GNPNAT1: variants seen among roughly 807,000 people sequenced by gnomAD.
The protein encoded by GNPNAT1 is glucosamine 6-phosphate N-acetyltransferase.
A neutral mutation model predicts 19.8 loss-of-function variants in GNPNAT1; 11 were observed. That is an observed-to-expected ratio of 0.56 (90% confidence interval 0.35 to 0.92). GNPNAT1 has a LOEUF of 0.92. Ranked by LOEUF, GNPNAT1 falls within the 40% of genes least tolerant of loss-of-function variation. The pLI is 0.01. For missense variants in GNPNAT1, 157 were observed against 211.0 expected (o/e 0.74, Z 1.59); for synonymous variants, 71 against 72.3 (o/e 0.98, Z 0.09).
intron 5 of GNPNAT1, among the ~76,000 whole-genome samples, chr14:52,779,724 T>TTA (rs754634389): frequency 6.3e-4 from 24 of 38,214 alleles, no homozygotes; most frequent in Admixed American, 2.0e-3. Flanking sequence ...TCCCATCTCT[T>TTA]AAAAAAAAAA....
intron 2 of GNPNAT1, 90 bp downstream of exon 2, chr14:52,784,407 G>T: frequency 2.8e-6 from 3 of 1,077,928 alleles, no homozygotes; most frequent in Non-Finnish European, 2.5e-6. Context: ...TAGTCCAAAA[G>T]TCAAATATTT....
Position 52,791,014 on chromosome 14 carries a change from T to G in GNPNAT1, c.-15+414A>C, listed in dbSNP as rs996921947. On this transcript the variant is annotated intron_variant, in intron 1 of 5. Coordinates refer to ENST00000216410, the MANE Select transcript of GNPNAT1 (RefSeq NM_198066.4). This position sits in a 1 kb window ranked among gnomAD's most constrained non-coding sequence, Gnocchi z 4.1. ...CTCAATGGCTCCGACCACCGTGGGA[T>G]GCGCCCGGGAATGGGAGAAGAGAAG... Among the ~76,000 whole-genome samples, 1 of 152,080 alleles carries G rather than the reference T, an allele frequency of 6.6e-6. No homozygotes were observed. Among genetic ancestry groups the G allele is most frequent in the East Asian group, 1.9e-4 (1 of 5,174 alleles).
chr14:52,780,610 C>CGTTTG (rs1882871050), intron 5 of GNPNAT1, 69 bp downstream of exon 5: 1 of 923,100 alleles, frequency 1.1e-6, no homozygotes, highest in Non-Finnish European at 1.8e-6. Flanking sequence ...GAACTTCAAA[C>CGTTTG]AAGTATCTTG....
chr14:52,781,603 C>T lies in GNPNAT1; in HGVS notation c.345+181G>A, dbSNP rs1882896081. ...TACCAAATTGATCCACCTTACAGAA[C>T]AATTTTAGCATACAATTCATACTGT... is the stretch of plus-strand genomic sequence containing the variant. On this transcript the variant is annotated intron_variant, in intron 4 of 5. Transcript: ENST00000216410. 4 of 472,932 alleles carry T rather than the reference C, an allele frequency of 8.5e-6. No individual in the cohort carries two copies. The East Asian group carries it at 1.8e-4, about 21-fold the overall frequency. The allele number at this position is 472,932 out of a possible 1,614,324, so 29.3% of individuals were successfully genotyped here.
chr14:52,779,504 G>A (rs1882827292), intron 5 of GNPNAT1, among the ~76,000 whole-genome samples: 1 of 151,976 alleles, frequency 6.6e-6, no homozygotes, highest in South Asian at 2.1e-4. Flanking sequence ...GGAGGCCAAG[G>A]ATCACTTGAG....
Position 52,776,499 on chromosome 14 carries a change from A to G in GNPNAT1, c.*1812T>C, listed in dbSNP as rs1170754785. On this transcript the variant is annotated 3_prime_UTR_variant, in exon 6 of 6. Transcript: ENST00000216410. ...CAACCTTGTGAATGATTTTACCTCAAATTGTTCAGTGGTAAGAAAGGTAAT... is the reference window on the plus strand; with the variant it reads ...CAACCTTGTGAATGATTTTACCTCAGATTGTTCAGTGGTAAGAAAGGTAAT... 2.0e-5 allele frequency: 3 copies of G among 152,124 alleles called. No homozygotes were observed. The highest frequency in any genetic ancestry group is 7.2e-5 in the African/African-American group (3 of 41,418). 9.4% of individuals were successfully genotyped at this position (152,124 alleles called of 1,614,324 possible).
At chr14:52,778,495 A>G in intron 5 of GNPNAT1, 37 bp from the exon 6 acceptor site, 1 of 1,527,260 alleles carries the variant, frequency 6.5e-7, no homozygotes, top group Admixed American at 2.2e-5. Context: ...AGGAGATAGC[A>G]TTTATTAATA....
At position 52,778,372 on chromosome 14, in the gene GNPNAT1, T is replaced by A. The variant is rs1882791830; in HGVS notation, c.494A>T (p.Tyr165Phe). The change falls in exon 6 of 6, where the codon TAT (tyrosine) becomes TTT (phenylalanine). Residue 165 changes from tyrosine to phenylalanine, a missense_variant. Coordinates refer to ENST00000216410, the MANE Select transcript of GNPNAT1 (RefSeq NM_198066.4). ...AGATACAGTATATCCAAACTTTTTA[T>A]AGAAACCAACATTTTGTGGTAGACA... ...LECLPQNVGF[Y>F]KKFGYTVSEE... 1 of 1,607,376 alleles carries A rather than the reference T, an allele frequency of 6.2e-7. No individual in the cohort carries two copies. Among genetic ancestry groups the A allele is most frequent in the Non-Finnish European group, 8.5e-7 (1 of 1,177,802 alleles).
At chr14:52,778,515 T>TCATATTGTTA in intron 5 of GNPNAT1, 57 bp from the exon 6 acceptor site, 1 of 1,418,706 alleles carries the variant, frequency 7.0e-7, no homozygotes, top group Non-Finnish European at 9.6e-7. Flanking sequence ...AAAAATTGAT[T>TCATATTGTTA]CTAGTAACAA....
In GNPNAT1 at chr14:52,777,252, A is replaced by G. The variant is rs529818507; in HGVS notation, c.*1059T>C. The G allele has an allele frequency of 4.6e-5, 7 of 152,784 alleles. No homozygotes were observed. Among genetic ancestry groups the G allele is most frequent in the African/African-American group, 1.7e-4 (7 of 41,598 alleles). 9.5% of individuals were successfully genotyped at this position (152,784 alleles called of 1,614,324 possible). A position where few individuals can be genotyped will look rare whatever the true frequency, so the allele number is the denominator to read the frequency against. ...AGAAAAGCACAGATGTGATTCTAAC[A>G]GAAGACTACTCATATAAACAGGTTT... On this transcript the variant is annotated 3_prime_UTR_variant, in exon 6 of 6. Coordinates refer to ENST00000216410, the MANE Select transcript of GNPNAT1 (RefSeq NM_198066.4).
In GNPNAT1 at chr14:52,776,875, A is replaced by G. The variant is rs1288384395; in HGVS notation, c.*1436T>C. ...CGGCCTTACCAGGCTAATTTTTAAA[A>G]ACATGCGTTTTTAATTACCAGGATT... On this transcript the variant is annotated 3_prime_UTR_variant, in exon 6 of 6. Transcript: ENST00000216410. 1 of 152,198 alleles carries G rather than the reference A, an allele frequency of 6.6e-6. No individual in the cohort carries two copies. Among genetic ancestry groups the G allele is most frequent in the East Asian group, 1.9e-4 (1 of 5,194 alleles). 9.4% of individuals were successfully genotyped at this position (152,198 alleles called of 1,614,324 possible).
At chr14:52,783,967 T>C (rs1166642187) in intron 2 of GNPNAT1, among the ~76,000 whole-genome samples, 1 of 152,180 alleles carries the variant, frequency 6.6e-6, no homozygotes, top group Admixed American at 6.5e-5. Context: ...ACAGTGCACC[T>C]GGAATTTTGA....
At position 52,777,184 on chromosome 14, in the gene GNPNAT1, T is replaced by C. The variant is rs1882754847; in HGVS notation, c.*1127A>G. 1 of 152,568 alleles carries C rather than the reference T, an allele frequency of 6.6e-6. No individual in the cohort carries two copies. The highest frequency in any genetic ancestry group is 2.4e-5 in the African/African-American group (1 of 41,440). The allele number at this position is 152,568 out of a possible 1,614,324, so 9.5% of individuals were successfully genotyped here. A position where few individuals can be genotyped will look rare whatever the true frequency, so the allele number is the denominator to read the frequency against. The stretch of plus-strand genomic sequence containing the variant: ...TACAAAGAGCACATTAAACTAAAAT[T>C]TTATGAATTATGACTTAATCTAATA... On this transcript the variant is annotated 3_prime_UTR_variant, in exon 6 of 6. Coordinates refer to ENST00000216410, the MANE Select transcript of GNPNAT1 (RefSeq NM_198066.4).
At position 52,780,723 on chromosome 14, in the gene GNPNAT1, A is replaced by G; in HGVS notation, c.363T>C (p.Asp121=). The G allele has an allele frequency of 6.2e-7, 1 of 1,601,736 alleles. No individual in the cohort carries two copies. Among genetic ancestry groups the G allele is most frequent in the African/African-American group, 1.3e-5 (1 of 74,790 alleles). Residue 121 remains aspartate (D), a synonymous_variant, in exon 5 of 6, where the codon GAT becomes GAC. Coordinates refer to ENST00000216410, the MANE Select transcript of GNPNAT1 (RefSeq NM_198066.4). The part of the protein sequence containing the change: ...HSCAKRGRVE[D]VVVSDECRGK... ...CTCTGCATTCATCACTAACAACAACATCTTCTACTCTTCCTCTCTGAAAAT... is the reference window on the plus strand; with the variant it reads ...CTCTGCATTCATCACTAACAACAACGTCTTCTACTCTTCCTCTCTGAAAAT...
intron 3 of GNPNAT1, among the ~76,000 whole-genome samples, chr14:52,782,968 C>T (rs898869787): frequency 1.3e-5 from 2 of 151,980 alleles, no homozygotes; most frequent in Non-Finnish European, 2.9e-5. Flanking sequence ...CTCTAAATTC[C>T]TATTTTCTCC....
Position 52,778,314 on chromosome 14 carries a change from C to T in GNPNAT1, c.552G>A (p.Lys184=), listed in dbSNP as rs144961021. ...TGACAATTTTCTTACAAGATTTTTA[C>T]TTTAGAAACCTCCGACACATGTAGT... ...EENYMCRRFL[K] is the part of the protein sequence containing the mutation. The change falls in exon 6 of 6, where the codon AAG becomes AAA. Residue 184 remains lysine (K), a synonymous_variant. Coordinates refer to ENST00000216410, the MANE Select transcript of GNPNAT1 (RefSeq NM_198066.4). 4.3e-5 allele frequency: 68 copies of T among 1,581,406 alleles called. No homozygotes were observed. The African/African-American group carries it at 6.9e-4, about 16-fold the overall frequency.
chr14:52,775,652 G>A lies in GNPNAT1; in HGVS notation c.*2659C>T, dbSNP rs967538455. Reference sequence around the variant, plus strand: ...CGACATATGTAATCCCAGATACTCTGGAGGCTGAGGCAGAGGATCACTTGA... The same window carrying A: ...CGACATATGTAATCCCAGATACTCTAGAGGCTGAGGCAGAGGATCACTTGA... On this transcript the variant is annotated 3_prime_UTR_variant, in exon 6 of 6. Coordinates refer to ENST00000216410, the MANE Select transcript of GNPNAT1 (RefSeq NM_198066.4). 1 of 152,222 alleles carries A rather than the reference G, an allele frequency of 6.6e-6. No homozygotes were observed. The highest frequency in any genetic ancestry group is 2.1e-4 in the South Asian group (1 of 4,822). 9.4% of individuals were successfully genotyped at this position (152,222 alleles called of 1,614,324 possible).
intron 3 of GNPNAT1, among the ~76,000 whole-genome samples, chr14:52,782,995 G>A (rs958405125): frequency 1.3e-5 from 2 of 152,010 alleles, no homozygotes; most frequent in East Asian, 3.8e-4. Flanking sequence ...TAAAAGAAGA[G>A]GGGCAGGGGA....
chr14:52,784,058 G>A (rs1218026959), intron 2 of GNPNAT1, among the ~76,000 whole-genome samples: 1 of 152,080 alleles, frequency 6.6e-6, no homozygotes, highest in Non-Finnish European at 1.5e-5. Context: ...ATTGTGAAAA[G>A]GACAAAGTTG....
Sources: gnomAD v4.1 joint callset for allele counts (sites outside exome capture counted in the v4.1 genomes callset) on GRCh38, gnomAD v4.1.1 for gene constraint, Gnocchi (gnomAD v3.1) non-coding constraint, MANE v1.5 for transcripts, NCBI Gene and HGNC (gene_info 2026-07-23, HGNC 2026-07-21) for gene names.